Variants in TMEM26 observed in about 807,000 individuals in gnomAD.
TMEM26 encodes the protein transmembrane protein 26.
Under a neutral mutation model 28.8 loss-of-function variants are expected in TMEM26, and 38 were observed. The ratio of observed to expected loss-of-function variants is 1.32; its 90% CI spans 1.02 to 1.73. TMEM26 has a LOEUF of 1.73. Among genes scored for constraint, TMEM26 ranks in the 40% most tolerant of loss-of-function variants. TMEM26 has a pLI of 0.00. For synonymous variants in TMEM26, 227 were observed against 182.9 expected, an observed-to-expected ratio of 1.24 and a Z score of -1.95; for missense variants, 518 against 447.1, an observed-to-expected ratio of 1.16 and a Z score of -1.43.
intron 4 of TMEM26, among the ~76,000 whole-genome samples, chr10:61,426,958 C>G (rs1444218090): frequency 6.6e-6 from 1 of 151,878 alleles, no homozygotes; most frequent in African/African-American, 2.4e-5. Context: ...CCTTCCTAGG[C>G]TTTGACTTTG....
chr10:61,432,213 C>A (rs1173667268), intron 2 of TMEM26, among the ~76,000 whole-genome samples: 1 of 151,966 alleles, frequency 6.6e-6, no homozygotes, highest in Non-Finnish European at 1.5e-5. Context: ...CATTTTTAAT[C>A]CTGACTGTCA....
At chr10:61,423,343 A>C (rs982886034) in intron 4 of TMEM26, among the ~76,000 whole-genome samples, 5 of 152,228 alleles carry the variant, frequency 3.3e-5, no homozygotes, top group Non-Finnish European at 7.3e-5. Context: ...GAGGTATTTG[A>C]TGAAGTCAGC....
Position 61,410,526 on chromosome 10 carries a change from G to C in TMEM26, c.903C>G (p.Leu301=), listed in dbSNP as rs376058228. Residue 301 remains leucine, a synonymous_variant, in exon 6 of 6, where the codon CTC becomes CTG. Coordinates refer to ENST00000399298, the MANE Select transcript of TMEM26 (RefSeq NM_178505.8). ...AKNFLVVVLQ[L]YRLVVLALAV... The stretch of plus-strand genomic sequence containing the variant: ...CCAATGCCAGCACCACCAAGCGGTA[G>C]AGTTGCAACACCACCACGAGGAAGT... 12 of 1,614,028 alleles carry C rather than the reference G, an allele frequency of 7.4e-6. No individual in the cohort carries two copies. The African/African-American group carries it at 1.5e-4, about 20-fold the overall frequency.
In TMEM26 at chr10:61,410,366, G is replaced by C; in HGVS notation, c.1063C>G (p.Arg355Gly). The change falls in exon 6 of 6, where the codon CGG (arginine) becomes GGG (glycine). Residue 355 changes from arginine (R) to glycine (G), a missense_variant. Arg to Gly is a moderately radical substitution (Grantham distance 125). Coordinates refer to ENST00000399298, the MANE Select transcript of TMEM26 (RefSeq NM_178505.8). ...TCGTCGGAGGTGACTGGGGAGCCCC[G>C]CAAAGGAATAGCCAGGCCCTCCTTA... ...ESKEGLAIPLRGSPVTSDDSH... is the reference protein window; with the variant it reads ...ESKEGLAIPLGGSPVTSDDSH... The C allele has an allele frequency of 6.2e-7, 1 of 1,613,894 alleles. No individual in the cohort carries two copies. The highest frequency in any genetic ancestry group is 1.3e-5 in the African/African-American group (1 of 74,982).
rs943479076 is a variant in TMEM26 at position 61,413,375 on chromosome 10, T to C, written c.682+84A>G. The C allele has an allele frequency of 1.1e-5, 17 of 1,548,106 alleles. No homozygotes were observed. In the African/African-American group the frequency reaches 2.2e-4, roughly 20 times the overall value. ...ATTGGGATACAGACATGATAATCCT[T>C]TCACTTGCCTTCTTAGTTTTAGCAT... On this transcript the variant is annotated intron_variant, in intron 5 of 5. Transcript: ENST00000399298.
chr10:61,420,377 G>C (rs926636840), intron 4 of TMEM26, among the ~76,000 whole-genome samples: 4 of 152,004 alleles, frequency 2.6e-5, no homozygotes, highest in Admixed American at 6.6e-5. Context: ...GAGGTGAAAG[G>C]AGAGGCCAGA....
intron 1 of TMEM26, among the ~76,000 whole-genome samples, chr10:61,440,847 T>TG (rs1271298249): frequency 2.6e-5 from 4 of 152,136 alleles, no homozygotes; most frequent in Middle Eastern, 3.2e-3. Flanking sequence ...CCTTAGTATC[T>TG]GGGGGGGATT....
chr10:61,415,442 G>A (rs1470581550), intron 4 of TMEM26, among the ~76,000 whole-genome samples: 1 of 151,994 alleles, frequency 6.6e-6, no homozygotes, highest in Admixed American at 6.6e-5. Flanking sequence ...TTTAAATAAT[G>A]TTATGGACAG....
chr10:61,452,984 T>C lies in TMEM26; in HGVS notation c.98A>G (p.Glu33Gly). The part of the protein sequence containing the change: ...GVWRVTEVKK[E>G]PRYWLLALLN... ...CAGCGCAAGCAGCCAGTACCGCGGCTCCTTCTTCACCTCGGTCACTCGCCA... is the reference window on the plus strand; with the variant it reads ...CAGCGCAAGCAGCCAGTACCGCGGCCCCTTCTTCACCTCGGTCACTCGCCA... Residue 33 changes from glutamate to glycine, a missense_variant, in exon 1 of 6, where the codon GAG becomes GGG. Physicochemically the swap from Glu to Gly is moderately conservative, Grantham distance 98. Coordinates refer to ENST00000399298, the MANE Select transcript of TMEM26 (RefSeq NM_178505.8). 2 of 1,614,002 alleles carry C rather than the reference T, an allele frequency of 1.2e-6. No individual in the cohort carries two copies. The highest frequency in any genetic ancestry group is 8.5e-7 in the Non-Finnish European group (1 of 1,180,002).
intron 4 of TMEM26, among the ~76,000 whole-genome samples, chr10:61,417,989 G>A (rs567058250): frequency 6.6e-6 from 1 of 152,126 alleles, no homozygotes. Flanking sequence ...TTCATGAAAA[G>A]CTGGCCAAGC....
chr10:61,419,619 C>A (rs887733687), intron 4 of TMEM26, among the ~76,000 whole-genome samples: 2 of 151,646 alleles, frequency 1.3e-5, no homozygotes, highest in Non-Finnish European at 2.9e-5. Flanking sequence ...GAAGATAGAT[C>A]AATAAAAATC....
At chr10:61,413,632 C>T in intron 4 of TMEM26, 97 bp from the exon 5 acceptor site, 2 of 1,360,888 alleles carry the variant, frequency 1.5e-6, no homozygotes, top group East Asian at 2.7e-5. Context: ...CCTAATAAAC[C>T]TCTTGTGGCC....
At chr10:61,424,265 A>AT (rs1366493248) in intron 4 of TMEM26, among the ~76,000 whole-genome samples, 1 of 152,198 alleles carries the variant, frequency 6.6e-6, no homozygotes, top group Non-Finnish European at 1.5e-5. Context: ...TATTATAGCA[A>AT]TAAAAAATGT....
At chr10:61,412,994 T>C (rs1839592541) in intron 5 of TMEM26, 6 of 1,278,478 alleles carry the variant, frequency 4.7e-6, no homozygotes, top group South Asian at 1.3e-5. Flanking sequence ...TTCTAATACA[T>C]GGGTCTGAAA....
intron 4 of TMEM26, among the ~76,000 whole-genome samples, chr10:61,421,265 CCAAGAAAA>C (rs949758945): frequency 6.6e-6 from 1 of 151,388 alleles, no homozygotes; most frequent in Non-Finnish European, 1.5e-5. Flanking sequence ...ACCACTCCCA[CCAAGAAAA>C]CAAAAGAGTA....
chr10:61,437,286 A>C (rs539840380), intron 1 of TMEM26, among the ~76,000 whole-genome samples: 1 of 152,314 alleles, frequency 6.6e-6, no homozygotes, highest in East Asian at 1.9e-4. Flanking sequence ...TTAGGACTTC[A>C]GTCTAGAACC....
intron 4 of TMEM26, chr10:61,416,071 G>A (rs147308459): frequency 1.6e-5 from 7 of 449,814 alleles, no homozygotes; most frequent in Non-Finnish European, 2.7e-5. Flanking sequence ...AATAGAACAA[G>A]TTGCCACTTG....
intron 5 of TMEM26, 106 bp downstream of exon 5, chr10:61,413,353 G>T: frequency 6.7e-7 from 1 of 1,483,906 alleles, no homozygotes; most frequent in Non-Finnish European, 8.9e-7. Context: ...AACTAATATT[G>T]GGATACAGAC....
intron 3 of TMEM26, among the ~76,000 whole-genome samples, chr10:61,430,585 A>C (rs1839905215): frequency 6.6e-6 from 1 of 150,656 alleles, no homozygotes; most frequent in South Asian, 2.1e-4. Flanking sequence ...AAAAAAAAAA[A>C]CCTCCTGAAA....
Sources: allele counts gnomAD v4.1 joint callset (sites outside exome capture counted in the v4.1 genomes callset), GRCh38; gene constraint gnomAD v4.1.1; transcripts MANE v1.5; gene names NCBI Gene and HGNC (gene_info 2026-07-23, HGNC 2026-07-21).